The following CCDC88A variants were observed in gnomAD, a reference collection of about 807,000 sequenced individuals.
The protein encoded by CCDC88A is coiled-coil and HOOK domain protein 88A.
Under a neutral mutation model 234.3 loss-of-function variants are expected in CCDC88A, and 54 were observed. The observed-to-expected ratio is 0.23, with a 90% CI of 0.19 to 0.29. The LOEUF (loss-of-function observed/expected upper bound fraction) is 0.29, where lower values mean the gene tolerates loss of function less well. Ranked by LOEUF, CCDC88A falls within the 10% of genes least tolerant of loss-of-function variation. The pLI, the probability that CCDC88A is intolerant of heterozygous loss-of-function variation, is 1.00. For missense variants in CCDC88A, 1,832 were observed against 2,123.4 expected, an observed-to-expected ratio of 0.86 and a Z score of 2.70; for synonymous variants, 753 against 737.8, an observed-to-expected ratio of 1.02 and a Z score of -0.33.
chr2:55,323,787 C>A (rs1173595669), intron 17 of CCDC88A: 2 of 152,272 alleles, frequency 1.3e-5, no homozygotes, highest in Non-Finnish European at 2.9e-5. Context: ...TCTTGGCACC[C>A]TGCAACCTCC....
chr2:55,305,766 C>T (rs375297744), intron 25 of CCDC88A, among the ~76,000 whole-genome samples: 1 of 152,004 alleles, frequency 6.6e-6, no homozygotes, highest in African/African-American at 2.4e-5. Flanking sequence ...GACGCTGAAG[C>T]AGGAGGATCC....
chr2:55,291,887 G>C (rs1024034482), intron 31 of CCDC88A, 112 bp from the exon 32 acceptor site: 1 of 671,108 alleles, frequency 1.5e-6, no homozygotes, highest in Non-Finnish European at 2.5e-6. Flanking sequence ...ATCTGTAACT[G>C]TCTGGGAAAA....
intron 3 of CCDC88A, among the ~76,000 whole-genome samples, chr2:55,379,599 G>T (rs538226882): frequency 6.6e-6 from 1 of 152,290 alleles, no homozygotes; most frequent in South Asian, 2.1e-4. Context: ...AATAAAACAA[G>T]TAAGTGTTTT....
In CCDC88A at chr2:55,335,489, A is replaced by G. The variant is rs896812313; in HGVS notation, c.1657-325T>C. On this transcript the variant is annotated intron_variant, in intron 14 of 32. Coordinates refer to ENST00000436346, the MANE Select transcript of CCDC88A (RefSeq NM_001365480.1). The surrounding 1 kb of genome is among the most constrained non-coding windows in gnomAD (Gnocchi z 4.5). The stretch of plus-strand genomic sequence containing the variant: ...TTACAGTTACATGCTTCAAATTCAA[A>G]TAGGAATACAGGTAACACACACACA... Among the ~76,000 whole-genome samples the G allele has an allele frequency of 1.3e-5, 2 of 152,202 alleles. No homozygotes were observed. Among genetic ancestry groups the G allele is most frequent in the Admixed American group, 1.3e-4 (2 of 15,282 alleles).
At chr2:55,361,229 C>T (rs551656333) in intron 7 of CCDC88A, among the ~76,000 whole-genome samples, 13 of 151,780 alleles carry the variant, frequency 8.6e-5, no homozygotes, top group East Asian at 7.7e-4. Flanking sequence ...TTCTAGAGAA[C>T]GCATAAATCA....
chr2:55,404,916 G>T (rs1679298000), intron 2 of CCDC88A: 1 of 152,228 alleles, frequency 6.6e-6, no homozygotes, highest in South Asian at 2.1e-4. Context: ...ATTTTTAGTA[G>T]AGATGGGGTT....
intron 29 of CCDC88A, among the ~76,000 whole-genome samples, chr2:55,298,993 A>T (rs1680551571): frequency 6.6e-6 from 1 of 152,058 alleles, no homozygotes; most frequent in African/African-American, 2.4e-5. Flanking sequence ...TGAGGTCAGG[A>T]GTTCAAGACC....
chr2:55,373,467 T>C (rs1044217837), intron 4 of CCDC88A, among the ~76,000 whole-genome samples: 4 of 152,198 alleles, frequency 2.6e-5, no homozygotes, highest in Admixed American at 6.6e-5. Flanking sequence ...CTCTCACTTA[T>C]ACGTCAACTT....
rs1465553441 is a variant in CCDC88A at position 55,394,818 on chromosome 2, A to T, written c.165-5932T>A. 7.3e-5 allele frequency among the ~76,000 whole-genome samples: 11 copies of T among 151,286 alleles called. No individual in the cohort carries two copies. In the East Asian group the frequency reaches 2.1e-3, roughly 29 times the overall value. ...AAACTTAAAGTATAATAATAATAAAAAAAAAAAGAAAAAAAATGTTTTTGT... is the reference window on the plus strand; with the variant it reads ...AAACTTAAAGTATAATAATAATAAATAAAAAAAGAAAAAAAATGTTTTTGT... On this transcript the variant is annotated intron_variant, in intron 2 of 32. Coordinates refer to ENST00000436346, the MANE Select transcript of CCDC88A (RefSeq NM_001365480.1).
At chr2:55,415,127 A>C (rs1353534471) in intron 2 of CCDC88A, among the ~76,000 whole-genome samples, 2 of 151,990 alleles carry the variant, frequency 1.3e-5, no homozygotes, top group East Asian at 3.9e-4. Flanking sequence ...CAGTAATATA[A>C]GACTAGCAGA....
chr2:55,320,185 T>TTA (rs1477773121), intron 18 of CCDC88A, among the ~76,000 whole-genome samples: 1 of 152,134 alleles, frequency 6.6e-6, no homozygotes, highest in African/African-American at 2.4e-5. Context: ...ACTGATGTAT[T>TTA]TATATACCAT....
chr2:55,296,216 G>C, intron 30 of CCDC88A, 42 bp downstream of exon 30: 1 of 1,528,766 alleles, frequency 6.5e-7, no homozygotes. Context: ...AATTTAACTT[G>C]TGGTGTTCAT....
At chr2:55,396,653 G>A (rs190232071) in intron 2 of CCDC88A, among the ~76,000 whole-genome samples, 5 of 151,992 alleles carry the variant, frequency 3.3e-5, no homozygotes, top group African/African-American at 7.3e-5. Context: ...GGCAGATCAC[G>A]AGGTCTGGAG....
In CCDC88A at chr2:55,344,482, T is replaced by C. The variant is rs1300147528; in HGVS notation, c.1074A>G (p.Glu358=). ...GTTGGTCTTCCAACATGGTTTTTGT[T>C]TCTAATAAAACTTGATTGTCTTCTT... is the stretch of plus-strand genomic sequence containing the variant. ...ELKEDNQVLL[E]TKTMLEDQLE... Residue 358 remains glutamate, a synonymous_variant, in exon 11 of 33, where the codon GAA becomes GAG. Coordinates refer to ENST00000436346, the MANE Select transcript of CCDC88A (RefSeq NM_001365480.1). 1.3e-6 allele frequency: 2 copies of C among 1,571,014 alleles called. No homozygotes were observed. Among genetic ancestry groups the C allele is most frequent in the Non-Finnish European group, 1.7e-6 (2 of 1,151,600 alleles).
In CCDC88A at chr2:55,332,973, A is replaced by T. The variant is rs924967495; in HGVS notation, c.2728-280T>A. Among the ~76,000 whole-genome samples, 8 of 152,192 alleles carry T rather than the reference A, an allele frequency of 5.3e-5. No homozygotes were observed. The highest frequency in any genetic ancestry group is 1.0e-4 in the Non-Finnish European group (7 of 68,026). ...TTAGGTTTGAAAACTGGGGAAAATCATATCCATTTACTTTTTAATAATGAG... is the reference window on the plus strand; with the variant it reads ...TTAGGTTTGAAAACTGGGGAAAATCTTATCCATTTACTTTTTAATAATGAG... On this transcript the variant is annotated intron_variant, in intron 15 of 32. Transcript: ENST00000436346. This position sits in a 1 kb window ranked among gnomAD's most constrained non-coding sequence, Gnocchi z 4.5.
chr2:55,408,855 C>A (rs1009219507), intron 2 of CCDC88A, among the ~76,000 whole-genome samples: 6 of 152,110 alleles, frequency 3.9e-5, no homozygotes, highest in Non-Finnish European at 7.3e-5. Context: ...TCCAGTAACA[C>A]AACCTTTACT....
chr2:55,409,716 G>A (rs925698038), intron 2 of CCDC88A, among the ~76,000 whole-genome samples: 4 of 145,152 alleles, frequency 2.8e-5, no homozygotes, highest in Non-Finnish European at 6.0e-5. Context: ...ATGTAAACAG[G>A]GGGATGTGCC....
Position 55,310,835 on chromosome 2 carries a change from G to C in CCDC88A, c.4080-1581C>G, listed in dbSNP as rs752088797. ...TGACATTTGAAAAGTTGTTAACAAG[G>C]CTGGAGTTCCCAGTTCGTTTTTCCT... On this transcript the variant is annotated intron_variant, in intron 23 of 32. Transcript: ENST00000436346. 1.1e-4 allele frequency among the ~76,000 whole-genome samples: 17 copies of C among 152,292 alleles called. 1 individual carries two copies. Among genetic ancestry groups the C allele is most frequent in the African/African-American group, 4.1e-4 (17 of 41,564 alleles).
intron 7 of CCDC88A, among the ~76,000 whole-genome samples, chr2:55,357,017 A>G (rs1670669957): frequency 6.6e-6 from 1 of 152,208 alleles, no homozygotes; most frequent in African/African-American, 2.4e-5. Context: ...AATCTTGGAC[A>G]GCCCAGGAAT....
Sources: gnomAD v4.1 joint callset for allele counts (sites outside exome capture counted in the v4.1 genomes callset) on GRCh38, gnomAD v4.1.1 for gene constraint, Gnocchi (gnomAD v3.1) non-coding constraint, MANE v1.5 for transcripts, NCBI Gene and HGNC (gene_info 2026-07-23, HGNC 2026-07-21) for gene names.